Variants in HDAC6 observed in about 807,000 individuals in gnomAD.
The protein encoded by HDAC6 is protein deacetylase HDAC6.
Under a neutral mutation model 88.9 loss-of-function variants are expected in HDAC6, and 5 were observed. The observed-to-expected ratio is 0.06, with a 90% confidence interval of 0.03 to 0.12. HDAC6 has a LOEUF of 0.12. Among genes scored for constraint, HDAC6 ranks in the 10% least tolerant of loss-of-function variants. The pLI, the probability that HDAC6 is intolerant of heterozygous loss-of-function variation, is 1.00. For synonymous variants in HDAC6, 378 were observed against 398.0 expected, an observed-to-expected ratio of 0.95 and a Z score of 0.60; for missense variants, 706 against 1,014.4, an observed-to-expected ratio of 0.70 and a Z score of 4.13.
At chrX:48,816,685 A>G in intron 19 of HDAC6, 52 bp downstream of exon 19, 1 of 1,039,302 alleles carries the variant, frequency 9.6e-7, no homozygotes, top group Non-Finnish European at 1.3e-6. Flanking sequence ...ATGGAAAAAG[A>G]GAGCCATCTG....
rs374265406 is a variant in HDAC6, at chrX:48,816,225, G to A, written c.1578G>A (p.Leu526=). 1.2e-5 allele frequency: 14 copies of A among 1,209,651 alleles called. No homozygotes were observed. The highest frequency in any genetic ancestry group is 1.6e-5 in the Non-Finnish European group (14 of 895,221). The change falls in exon 18 of 29, where the codon CTG becomes CTA. Residue 526 remains leucine (L), a synonymous_variant. Coordinates refer to ENST00000334136, the MANE Select transcript of HDAC6 (RefSeq NM_006044.4). The part of the protein sequence containing the change: ...ELGLAGRCLT[L]TPRPATEAEL... ...GCCTTGCCGGGCGCTGCCTCACCCT[G>A]ACACCGCGCCCTGCCACAGAGGCTG...
At chrX:48,802,511 G>GA (rs2062742165) in intron 1 of HDAC6, 152 bp from the exon 2 acceptor site, 4 of 1,096,430 alleles carry the variant, frequency 3.6e-6, no homozygotes, top group Non-Finnish European at 4.8e-6. Context: ...GAGAAGGCCT[G>GA]AGAGAGGCGG....
chrX:48,814,707 T>C lies in HDAC6; in HGVS notation c.966T>C (p.Ala322=), dbSNP rs2062954837. The C allele has an allele frequency of 8.3e-7, 1 of 1,209,919 alleles. No homozygotes were observed. Among genetic ancestry groups the C allele is most frequent in the South Asian group, 1.8e-5 (1 of 56,749 alleles). Residue 322 remains alanine (A), a synonymous_variant, in exon 12 of 29, where the codon GCT becomes GCC. Coordinates refer to ENST00000334136, the MANE Select transcript of HDAC6 (RefSeq NM_006044.4). The part of the protein sequence containing the change: ...VGMRDADYIA[A]FLHVLLPVAL... ...TGCGGGATGCTGACTACATTGCTGC[T>C]TTCCTGCACGTCCTGCTGCCAGTCG... is the stretch of plus-strand genomic sequence containing the variant.
intron 19 of HDAC6, chrX:48,817,109 G>A (rs1569504362): frequency 9.4e-6 from 3 of 320,688 alleles, no homozygotes; most frequent in South Asian, 7.9e-5. Context: ...AAAATTAGCC[G>A]GGCGTGGCAG....
In HDAC6 at chrX:48,803,169, G is replaced by C. The variant is rs782556369; in HGVS notation, c.264G>C (p.Leu88Phe). The C allele has an allele frequency of 2.5e-6, 3 of 1,210,364 alleles. No homozygotes were observed. The highest frequency in any genetic ancestry group is 2.2e-6 in the Non-Finnish European group (2 of 894,661). Residue 88 changes from leucine (L) to phenylalanine (F), a missense_variant, in exon 4 of 29, where the codon TTG becomes TTC. This residue lies in a region of HDAC6 where 193 missense variants were observed against 258.2 expected (regional missense o/e 0.75). Coordinates refer to ENST00000334136, the MANE Select transcript of HDAC6 (RefSeq NM_006044.4). ...CTGAAGCACTGGCTGGCACTGGCTT[G>C]GTGTTGGATGAGCAGTTAAATGAAT... is the stretch of plus-strand genomic sequence containing the variant. ...LEAEALAGTG[L>F]VLDEQLNEFH... is the part of the protein sequence containing the mutation.
In HDAC6 at chrX:48,802,851, C is replaced by A; in HGVS notation, c.94-20C>A. The A allele has an allele frequency of 8.3e-7, 1 of 1,208,462 alleles. No individual in the cohort carries two copies. The stretch of plus-strand genomic sequence containing the variant: ...AAGTTGGTCATGCCCTGGACTCTGA[C>A]CCTTCTCTCTGATTCACAGAAGCGA... On this transcript the variant is annotated intron_variant, in intron 2 of 28. Transcript: ENST00000334136.
At chrX:48,822,530 T>C (rs2063100574) in intron 23 of HDAC6, 90 bp from the exon 24 acceptor site, 1 of 730,171 alleles carries the variant, frequency 1.4e-6, no homozygotes. Flanking sequence ...CAGGGCTCAG[T>C]AGGGAGGATT....
intron 22 of HDAC6, 149 bp from the exon 23 acceptor site, chrX:48,819,957 T>G (rs1557029147): frequency 3.6e-6 from 2 of 561,784 alleles, no homozygotes; most frequent in Non-Finnish European, 6.2e-6. Flanking sequence ...TTGTGTCTCC[T>G]AGTCTCCAGG....
chrX:48,807,875 TGA>T (rs1256151711), intron 8 of HDAC6, among the ~76,000 whole-genome samples, 156 bp from the exon 9 acceptor site: 1 of 110,783 alleles, frequency 9.0e-6, no homozygotes, highest in Non-Finnish European at 1.9e-5. Context: ...TGGCAGGGGG[TGA>T]GAGTTTGAGG....
At chrX:48,824,519 T>A in intron 28 of HDAC6, 25 bp from the exon 29 acceptor site, 1 of 1,189,575 alleles carries the variant, frequency 8.4e-7, no homozygotes, top group Non-Finnish European at 1.1e-6. Context: ...CTCTCTCACC[T>A]GCCCTATTCT....
At chrX:48,817,069 G>A (rs2062999088) in intron 19 of HDAC6, 1 of 281,237 alleles carries the variant, frequency 3.6e-6, no homozygotes, top group Non-Finnish European at 6.2e-6. Flanking sequence ...ATAACATGGT[G>A]AAACCCCGTC....
Position 48,824,243 on chromosome X carries a change from C to T in HDAC6, c.3528C>T (p.Tyr1176=), listed in dbSNP as rs1557031562. 1 of 1,211,488 alleles carries T rather than the reference C, an allele frequency of 8.3e-7. No homozygotes were observed. The highest frequency in any genetic ancestry group is 1.1e-6 in the Non-Finnish European group (1 of 895,309). ...GNSGHPLVLS[Y]IDLSAWCYYC... ...CTGGACACCCGCTGGTCCTCAGCTA[C>T]ATCGACCTGTCAGCCTGGTGTTACT... The change falls in exon 28 of 29, where the codon TAC becomes TAT. Residue 1176 remains tyrosine, a synonymous_variant. Transcript: ENST00000334136.
chrX:48,824,401 C>A, intron 28 of HDAC6, 107 bp downstream of exon 28: 1 of 1,100,502 alleles, frequency 9.1e-7, no homozygotes, highest in Non-Finnish European at 1.2e-6. Context: ...ATGGCTGCCT[C>A]ATGTGATTAT....
rs2062982996 is a variant in HDAC6, at chrX:48,816,243, A to C, written c.1596A>C (p.Thr532=). 2 of 1,209,765 alleles carry C rather than the reference A, an allele frequency of 1.7e-6. No homozygotes were observed. Among genetic ancestry groups the C allele is most frequent in the Non-Finnish European group, 2.2e-6 (2 of 895,119 alleles). Residue 532 remains threonine, a synonymous_variant, in exon 18 of 29, where the codon ACA becomes ACC. Transcript: ENST00000334136. ...RCLTLTPRPA[T]EAELLTCHSA... is the part of the protein sequence containing the mutation. The stretch of plus-strand genomic sequence containing the variant: ...TCACCCTGACACCGCGCCCTGCCAC[A>C]GAGGCTGAGCTGCTCACCTGTCACA...
In HDAC6 at chrX:48,823,362, C is replaced by A; in HGVS notation, c.2963C>A (p.Ala988Asp). ...QTTSEEAVGGATLAQTTSEAA... is the reference protein window; with the variant it reads ...QTTSEEAVGGDTLAQTTSEAA... ...ACCTCAGAGGAGGCTGTAGGAGGAG[C>A]TACACTGGCCCAGACCACCTCGGAG... Residue 988 changes from alanine (A) to aspartate (D), a missense_variant, in exon 25 of 29, where the codon GCT becomes GAT. Around this residue, in one of 9 missense-constraint regions of HDAC6, gnomAD observed 13 missense variants for 33.4 expected, o/e 0.39. Coordinates refer to ENST00000334136, the MANE Select transcript of HDAC6 (RefSeq NM_006044.4). 1 of 1,206,043 alleles carries A rather than the reference C, an allele frequency of 8.3e-7. No individual in the cohort carries two copies. The highest frequency in any genetic ancestry group is 3.0e-5 in the East Asian group (1 of 33,703).
rs1280516714 is a variant in HDAC6, at chrX:48,802,966, G to A, written c.189G>A (p.Met63Ile). ...KGKMKKLGQA[M>I]EEDLIVGLQG... The stretch of plus-strand genomic sequence containing the variant: ...AAATGAAGAAGCTCGGCCAAGCAAT[G>A]GAAGAAGACCTAATCGTGGGACTGC... The change falls in exon 3 of 29, where the codon ATG becomes ATA. Residue 63 changes from methionine to isoleucine, a missense_variant. By Grantham distance (10) the Met-to-Ile change is conservative (BLOSUM62 1). Around this residue, in one of 9 missense-constraint regions of HDAC6, gnomAD observed 193 missense variants for 258.2 expected, o/e 0.75. Coordinates refer to ENST00000334136, the MANE Select transcript of HDAC6 (RefSeq NM_006044.4). The A allele has an allele frequency of 1.7e-6, 2 of 1,209,549 alleles. No homozygotes were observed. The highest frequency in any genetic ancestry group is 3.5e-5 in the African/African-American group (2 of 57,363).
At chrX:48,817,559 G>A in intron 20 of HDAC6, 100 bp downstream of exon 20, 2 of 829,162 alleles carry the variant, frequency 2.4e-6, no homozygotes, top group East Asian at 3.5e-5. Flanking sequence ...CCAGCTCCCA[G>A]GACTTCCTTC....
chrX:48,819,984 C>T (rs782301760), intron 22 of HDAC6, 122 bp from the exon 23 acceptor site: 1 of 687,519 alleles, frequency 1.5e-6, no homozygotes, highest in African/African-American at 2.1e-5. Flanking sequence ...GTCTCCATCT[C>T]TCTGACTTGC....
intron 14 of HDAC6, 36 bp downstream of exon 14, chrX:48,815,087 C>G (rs1557027081): frequency 9.3e-7 from 1 of 1,075,681 alleles, no homozygotes; most frequent in Non-Finnish European, 1.3e-6. Flanking sequence ...GCCTGTGGAT[C>G]CTGGAGGGCT....
Sources: gnomAD v4.1 joint callset for allele counts (sites outside exome capture counted in the v4.1 genomes callset) on GRCh38, gnomAD v4.1.1 for gene constraint, gnomAD v4.1.1 regional missense constraint, MANE v1.5 for transcripts, NCBI Gene and HGNC (gene_info 2026-07-23, HGNC 2026-07-21) for gene names.